DOCK7: variants seen among roughly 807,000 people sequenced by gnomAD.
DOCK7 encodes the protein dedicator of cytokinesis 7.
In DOCK7, 138 loss-of-function variants were observed where a neutral mutation model predicts 271.0. The observed-to-expected ratio is 0.51, with a 90% CI of 0.44 to 0.59. The LOEUF is 0.59. Among genes scored for constraint, DOCK7 ranks in the 20% least tolerant of loss-of-function variants. DOCK7 has a pLI of 0.00. For synonymous variants in DOCK7, 823 were observed against 876.1 expected (o/e 0.94, Z 1.07); for missense variants, 2,066 against 2,592.4 (o/e 0.80, Z 4.41).
At chr1:62,622,276 G>A (rs1187748317) in intron 12 of DOCK7, among the ~76,000 whole-genome samples, 2 of 152,120 alleles carry the variant, frequency 1.3e-5, no homozygotes, top group Non-Finnish European at 2.9e-5. Flanking sequence ...TAGTTCACTG[G>A]AGTAGTCTAG....
intron 12 of DOCK7, among the ~76,000 whole-genome samples, chr1:62,620,330 T>TAA (rs1557813966): frequency 6.7e-6 from 1 of 150,172 alleles, no homozygotes; most frequent in African/African-American, 2.4e-5. Flanking sequence ...TAAAAATAAA[T>TAA]AAATAAATAA....
At chr1:62,560,968 A>C (rs1488637266) in intron 19 of DOCK7, among the ~76,000 whole-genome samples, 2 of 152,120 alleles carry the variant, frequency 1.3e-5, no homozygotes, top group African/African-American at 4.8e-5. Flanking sequence ...AGAAACAATA[A>C]ACAAATGTGT....
chr1:62,542,623 G>C lies in DOCK7; in HGVS notation c.3030C>G (p.Phe1010Leu), dbSNP rs780644866. The C allele has an allele frequency of 1.2e-6, 2 of 1,611,854 alleles. No homozygotes were observed. Among genetic ancestry groups the C allele is most frequent in the Non-Finnish European group, 1.7e-6 (2 of 1,178,756 alleles). The change falls in exon 25 of 50, where the codon TTC (phenylalanine) becomes TTG (leucine). Residue 1010 changes from phenylalanine (F) to leucine (L), a missense_variant. Phe to Leu is a conservative substitution (Grantham distance 22). This residue lies in a region of DOCK7 where 1,414 missense variants were observed against 1,670.4 expected (regional missense o/e 0.85). Transcript: ENST00000635253. ...VRESALQQAW[F>L]FFELMVKSMV... ...TTTTGCTCACCATTAATTCAAAAAA[G>C]AACCAGGCTTGTTGCAAAGCTGATT...
At chr1:62,517,569 TG>T (rs1250631276) in intron 31 of DOCK7, among the ~76,000 whole-genome samples, 1 of 152,150 alleles carries the variant, frequency 6.6e-6, no homozygotes, top group Non-Finnish European at 1.5e-5. Flanking sequence ...CACTCCAGCC[TG>T]GGCAACAAGA....
intron 18 of DOCK7, among the ~76,000 whole-genome samples, chr1:62,562,090 G>A (rs1646342236): frequency 6.6e-6 from 1 of 151,216 alleles, no homozygotes; most frequent in African/African-American, 2.4e-5. Context: ...ATTACATTGT[G>A]AATCTCTTTT....
intron 43 of DOCK7, chr1:62,481,965 C>A (rs1246864504): frequency 2.0e-5 from 3 of 152,190 alleles, no homozygotes; most frequent in Non-Finnish European, 4.4e-5. Context: ...CAATGGTGAT[C>A]TTTCTTTCCT....
chr1:62,610,627 G>A lies in DOCK7; in HGVS notation c.1682+8079C>T, dbSNP rs370070708. ...GCTATCCCTCCCCTAGCCCCACCCC[G>A]ACAGGTCCCAGTGTGTGATGTTCCT... On this transcript the variant is annotated intron_variant, in intron 14 of 49. Coordinates refer to ENST00000635253, the MANE Select transcript of DOCK7 (RefSeq NM_001367561.1). Among the ~76,000 whole-genome samples the A allele has an allele frequency of 2.6e-5, 4 of 151,626 alleles. No homozygotes were observed. In the East Asian group the frequency reaches 7.8e-4, roughly 29 times the overall value.
At chr1:62,549,110 C>G (rs193287146) in intron 22 of DOCK7, among the ~76,000 whole-genome samples, 1 of 151,950 alleles carries the variant, frequency 6.6e-6, no homozygotes, top group East Asian at 1.9e-4. Flanking sequence ...ATAAAGAGAT[C>G]AGAAAAGGAA....
At chr1:62,686,857 A>AG (rs1040558363) in intron 1 of DOCK7, among the ~76,000 whole-genome samples, 1 of 150,516 alleles carries the variant, frequency 6.6e-6, no homozygotes, top group African/African-American at 2.5e-5. Context: ...CAGGAAAAAA[A>AG]AAGTGCTAGA....
chr1:62,507,196 A>G (rs1646967032), intron 35 of DOCK7, among the ~76,000 whole-genome samples: 1 of 152,152 alleles, frequency 6.6e-6, no homozygotes, highest in South Asian at 2.1e-4. Context: ...GTAGGTGGCC[A>G]TTGTAATAGC....
At chr1:62,507,763 T>G (rs189288058) in intron 35 of DOCK7, among the ~76,000 whole-genome samples, 199 bp downstream of exon 35, 1 of 152,356 alleles carries the variant, frequency 6.6e-6, no homozygotes, top group South Asian at 2.1e-4. Flanking sequence ...GATAAAGATT[T>G]CATAATCATC....
intron 14 of DOCK7, among the ~76,000 whole-genome samples, chr1:62,592,708 A>G (rs747361279): frequency 5.5e-4 from 84 of 152,260 alleles, no homozygotes; most frequent in Non-Finnish European, 9.4e-4. Flanking sequence ...AAAACAAACT[A>G]GATATATACT....
chr1:62,560,661 C>T (rs1378646313), intron 19 of DOCK7, among the ~76,000 whole-genome samples: 4 of 152,100 alleles, frequency 2.6e-5, no homozygotes, highest in Non-Finnish European at 5.9e-5. Flanking sequence ...CACCAGGTCA[C>T]CTGATGGTCC....
chr1:62,526,503 A>G (rs1382847252), intron 31 of DOCK7, among the ~76,000 whole-genome samples: 1 of 152,156 alleles, frequency 6.6e-6, no homozygotes, highest in Non-Finnish European at 1.5e-5. Flanking sequence ...TAGAAAAAAA[A>G]AAAGAGTTTA....
chr1:62,462,143 T>G (rs1282801186), intron 48 of DOCK7, among the ~76,000 whole-genome samples: 1 of 151,742 alleles, frequency 6.6e-6, no homozygotes, highest in African/African-American at 2.4e-5. Context: ...GTACAAGACC[T>G]CTACACAAAA....
At chr1:62,520,549 T>C (rs531507379) in intron 31 of DOCK7, among the ~76,000 whole-genome samples, 2 of 152,242 alleles carry the variant, frequency 1.3e-5, no homozygotes, top group African/African-American at 4.8e-5. Flanking sequence ...CACAATGAGA[T>C]ACCATACCAT....
At chr1:62,566,891 G>C (rs1646533753) in intron 18 of DOCK7, among the ~76,000 whole-genome samples, 2 of 139,840 alleles carry the variant, frequency 1.4e-5, no homozygotes, top group African/African-American at 4.9e-5. Context: ...CAAAGGTTAT[G>C]AACAGACACT....
chr1:62,666,481 A>C (rs1030797460), intron 1 of DOCK7, among the ~76,000 whole-genome samples: 2 of 152,216 alleles, frequency 1.3e-5, no homozygotes, highest in Non-Finnish European at 2.9e-5. Context: ...AACCATTTCC[A>C]AACTGAGCTA....
intron 4 of DOCK7, among the ~76,000 whole-genome samples, chr1:62,651,301 GGGGGGA>G (rs1399787570): frequency 2.4e-5 from 3 of 127,300 alleles, no homozygotes; most frequent in Non-Finnish European, 3.3e-5. Flanking sequence ...GTTGTGGGGT[GGGGGGA>G]GGGGGAGGGG....
Sources: allele counts gnomAD v4.1 joint callset (sites outside exome capture counted in the v4.1 genomes callset), GRCh38; gene constraint gnomAD v4.1.1; regional missense constraint gnomAD v4.1.1; transcripts MANE v1.5; gene names NCBI Gene and HGNC (gene_info 2026-07-23, HGNC 2026-07-21).